Variants in UNC5C observed in about 807,000 individuals in gnomAD.
The protein encoded by UNC5C is netrin receptor UNC5C.
A neutral mutation model predicts 99.8 loss-of-function variants in UNC5C; 47 were observed. The ratio of observed to expected loss-of-function variants is 0.47; its 90% CI spans 0.37 to 0.60. The LOEUF (loss-of-function observed/expected upper bound fraction) is 0.60, where lower values mean the gene tolerates loss of function less well. Ranked by LOEUF, UNC5C falls within the 20% of genes least tolerant of loss-of-function variation. The probability of loss-of-function intolerance (pLI) is 0.00; values close to 1 mark genes in which losing one functional copy is unlikely to be tolerated. For missense variants in UNC5C, 1,062 were observed against 1,165.9 expected (o/e 0.91, Z 1.30); for synonymous variants, 487 against 452.2 (o/e 1.08, Z -0.98).
chr4:95,421,901 T>C (rs1340880732), intron 1 of UNC5C, among the ~76,000 whole-genome samples: 1 of 152,190 alleles, frequency 6.6e-6, no homozygotes, highest in Non-Finnish European at 1.5e-5. Context: ...TGCTTTTCTT[T>C]CTCTAATACT....
intron 1 of UNC5C, among the ~76,000 whole-genome samples, chr4:95,379,434 A>G (rs1283871237): frequency 6.6e-6 from 1 of 152,204 alleles, no homozygotes; most frequent in Non-Finnish European, 1.5e-5. Flanking sequence ...GAAAATACAA[A>G]CAACATTAAA....
At chr4:95,498,870 C>T (rs1443894541) in intron 1 of UNC5C, among the ~76,000 whole-genome samples, 1 of 152,018 alleles carries the variant, frequency 6.6e-6, no homozygotes, top group African/African-American at 2.4e-5. Context: ...ACTACTGATA[C>T]TTTGCTATCT....
chr4:95,421,611 C>G (rs1476063039), intron 1 of UNC5C, among the ~76,000 whole-genome samples: 1 of 127,354 alleles, frequency 7.9e-6, no homozygotes, highest in Non-Finnish European at 1.7e-5. Flanking sequence ...CTACTATACA[C>G]TCTCTTTTAC....
intron 2 of UNC5C, among the ~76,000 whole-genome samples, chr4:95,314,189 C>G (rs1422364474): frequency 6.6e-6 from 1 of 152,290 alleles, no homozygotes; most frequent in East Asian, 1.9e-4. Context: ...ATGAGAAAGA[C>G]ATGACTGGTT....
intron 1 of UNC5C, among the ~76,000 whole-genome samples, chr4:95,520,182 C>T (rs2149489942): frequency 6.6e-6 from 1 of 152,318 alleles, no homozygotes; most frequent in East Asian, 1.9e-4. Flanking sequence ...GATCTTTCTA[C>T]AGATCATATC....
At chr4:95,326,772 T>C (rs1252938302) in intron 2 of UNC5C, among the ~76,000 whole-genome samples, 1 of 152,192 alleles carries the variant, frequency 6.6e-6, no homozygotes, top group Non-Finnish European at 1.5e-5. Context: ...AATGATTTCA[T>C]AATTTAAAAT....
chr4:95,227,000 G>A (rs17023289), intron 7 of UNC5C, among the ~76,000 whole-genome samples: 4,666 of 152,122 alleles, frequency 0.031, 234 homozygotes, highest in African/African-American at 0.11. Flanking sequence ...TGACTGAGAA[G>A]GCAAGAACAG....
At chr4:95,453,358 T>C (rs1747328370) in intron 1 of UNC5C, among the ~76,000 whole-genome samples, 1 of 152,030 alleles carries the variant, frequency 6.6e-6, no homozygotes, top group Non-Finnish European at 1.5e-5. Flanking sequence ...TAAAGCCAAA[T>C]GTTGGATAAG....
At chr4:95,236,869 T>G (rs186775193) in intron 7 of UNC5C, among the ~76,000 whole-genome samples, 2 of 152,248 alleles carry the variant, frequency 1.3e-5, no homozygotes, top group African/African-American at 4.8e-5. Context: ...GGTTTTACAT[T>G]TTTTACAATA....
intron 1 of UNC5C, among the ~76,000 whole-genome samples, chr4:95,384,906 G>C (rs1445421361): frequency 2.0e-5 from 3 of 152,108 alleles, no homozygotes; most frequent in Non-Finnish European, 4.4e-5. Flanking sequence ...GGAGGGACAA[G>C]TTAGGAATGA....
chr4:95,196,593 T>C (rs1737404901), intron 12 of UNC5C, among the ~76,000 whole-genome samples: 1 of 150,708 alleles, frequency 6.6e-6, no homozygotes, highest in Non-Finnish European at 1.5e-5. Flanking sequence ...GCCCCAAGGC[T>C]TAACAAAACC....
At chr4:95,227,432 T>C (rs1738741813) in intron 7 of UNC5C, among the ~76,000 whole-genome samples, 1 of 152,132 alleles carries the variant, frequency 6.6e-6, no homozygotes. Context: ...GGATTACAGG[T>C]GTGAGCCATC....
chr4:95,300,871 T>G (rs577001490), intron 3 of UNC5C, among the ~76,000 whole-genome samples: 1 of 152,304 alleles, frequency 6.6e-6, no homozygotes, highest in African/African-American at 2.4e-5. Flanking sequence ...GAATAAGACC[T>G]ACTATTTGAT....
Position 95,162,710 on chromosome 4 carries a change from C to T in UNC5C, c.*6524G>A, listed in dbSNP as rs537514545. Reference sequence around the variant, plus strand: ...CTCAGCAAGGCGCCGGACAGATATCCGGAGGGCACTCTGCCTCTGCCGGGG... The same window carrying T: ...CTCAGCAAGGCGCCGGACAGATATCTGGAGGGCACTCTGCCTCTGCCGGGG... On this transcript the variant is annotated 3_prime_UTR_variant, in exon 16 of 16. Transcript: ENST00000453304. 6 of 152,250 alleles carry T rather than the reference C, an allele frequency of 3.9e-5. No homozygotes were observed. Among genetic ancestry groups the T allele is most frequent in the South Asian group, 2.1e-4 (1 of 4,820 alleles). 9.4% of individuals were successfully genotyped at this position (152,250 alleles called of 1,614,324 possible).
chr4:95,398,042 AGC>A (rs1745570365), intron 1 of UNC5C, among the ~76,000 whole-genome samples: 3 of 91,740 alleles, frequency 3.3e-5, no homozygotes, highest in African/African-American at 1.4e-4. Flanking sequence ...AGCCAAATGT[AGC>A]TTTTTTTTTT....
At chr4:95,222,120 C>G (rs1306338771) in intron 7 of UNC5C, 2 of 918,696 alleles carry the variant, frequency 2.2e-6, no homozygotes, top group African/African-American at 3.5e-5. Context: ...CCTGTGTGCA[C>G]ATCTGTAATC....
chr4:95,187,824 C>CA (rs1282964760), intron 12 of UNC5C, among the ~76,000 whole-genome samples: 1 of 152,118 alleles, frequency 6.6e-6, no homozygotes, highest in Non-Finnish European at 1.5e-5. Context: ...AGGAGTGACA[C>CA]AAAGCTGCAG....
chr4:95,331,973 G>C (rs1231252162), intron 2 of UNC5C, among the ~76,000 whole-genome samples: 1 of 152,002 alleles, frequency 6.6e-6, no homozygotes, highest in Non-Finnish European at 1.5e-5. Flanking sequence ...ATTCACAATT[G>C]CTTCAAAGAG....
intron 12 of UNC5C, among the ~76,000 whole-genome samples, chr4:95,187,631 T>TTTTG (rs1316873177): frequency 6.6e-6 from 1 of 152,196 alleles, no homozygotes; most frequent in African/African-American, 2.4e-5. Flanking sequence ...AGGCTCAGTT[T>TTTTG]TTTGTTTCTT....
Sources: gnomAD v4.1 joint callset for allele counts (sites outside exome capture counted in the v4.1 genomes callset) on GRCh38, gnomAD v4.1.1 for gene constraint, MANE v1.5 for transcripts, NCBI Gene and HGNC (gene_info 2026-07-23, HGNC 2026-07-21) for gene names.